The following NHS variants were observed in gnomAD, a reference collection of about 807,000 sequenced individuals.
NHS encodes the protein NHS actin remodeling regulator.
In NHS, 5 loss-of-function variants were observed where a neutral mutation model predicts 72.5. That is an observed-to-expected ratio of 0.07 (90% confidence interval 0.04 to 0.14). NHS has a LOEUF of 0.14. Ranked by LOEUF, NHS falls within the 10% of genes least tolerant of loss-of-function variation. The pLI is 1.00. For missense variants in NHS, 1,072 were observed against 1,355.7 expected, an observed-to-expected ratio of 0.79 and a Z score of 3.29; for synonymous variants, 464 against 547.7, an observed-to-expected ratio of 0.85 and a Z score of 2.13.
In NHS at chrX:17,376,104, C is replaced by T; in HGVS notation, c.347C>T (p.Ala116Val). ...AGEASSAAAA[A>V]AVLLMLDLCA... ...GAGGCGTCCTCGGCGGCGGCGGCGG[C>T]GGCCGTGCTGCTCATGCTGGACCTA... Residue 116 changes from alanine (A) to valine (V), a missense_variant, in exon 1 of 9, where the codon GCG (alanine) becomes GTG (valine). Coordinates refer to ENST00000676302, the MANE Select transcript of NHS (RefSeq NM_001291867.2). 1.8e-6 allele frequency: 2 copies of T among 1,102,853 alleles called. No homozygotes were observed. Among genetic ancestry groups the T allele is most frequent in the Non-Finnish European group, 2.4e-6 (2 of 849,171 alleles). 90.9% of individuals were successfully genotyped at this position (1,102,853 alleles called of 1,213,427 possible). A position where few individuals can be genotyped will look rare whatever the true frequency, so the allele number is the denominator to read the frequency against.
At chrX:17,729,382 C>G (rs925788797) in intron 8 of NHS, among the ~76,000 whole-genome samples, 1 of 112,739 alleles carries the variant, frequency 8.9e-6, no homozygotes, top group Admixed American at 9.3e-5. Context: ...CACACACACA[C>G]ACAAAGTTGA....
intron 1 of NHS, among the ~76,000 whole-genome samples, chrX:17,553,773 G>A (rs2065350428): frequency 9.0e-6 from 1 of 111,453 alleles, no homozygotes; most frequent in African/African-American, 3.3e-5. Flanking sequence ...GGCGGGGTAG[G>A]GGGGCGGTGC....
intron 1 of NHS, chrX:17,587,008 G>A (rs779168776): frequency 8.9e-6 from 1 of 111,918 alleles, no homozygotes; most frequent in Non-Finnish European, 1.9e-5. Context: ...CCAATACCTG[G>A]GACAATGCTG....
At chrX:17,487,992 T>G (rs2064974164) in intron 1 of NHS, among the ~76,000 whole-genome samples, 1 of 111,069 alleles carries the variant, frequency 9.0e-6, no homozygotes, top group African/African-American at 3.3e-5. Context: ...TTTGAACAAG[T>G]CTCGAAACCA....
intron 1 of NHS, among the ~76,000 whole-genome samples, chrX:17,653,424 CT>C (rs767911933): frequency 3.6e-3 from 353 of 97,951 alleles, no homozygotes; most frequent in East Asian, 5.4e-3. Flanking sequence ...TTTTCTTTTT[CT>C]TTTTTTTTTT....
At chrX:17,401,903 G>T (rs1003315727) in intron 1 of NHS, among the ~76,000 whole-genome samples, 1 of 111,826 alleles carries the variant, frequency 8.9e-6, no homozygotes, top group Admixed American at 9.5e-5. Context: ...CTGGGGATTG[G>T]ACTTTAACAT....
intron 1 of NHS, among the ~76,000 whole-genome samples, chrX:17,665,944 G>T (rs2066010420): frequency 8.9e-6 from 1 of 112,119 alleles, no homozygotes; most frequent in Non-Finnish European, 1.9e-5. Flanking sequence ...GTAGGCTAGA[G>T]TAGGCAGAAA....
chrX:17,721,498 C>T lies in NHS; in HGVS notation c.973C>T (p.Pro325Ser), dbSNP rs1601854483. The change falls in exon 5 of 9, where the codon CCA becomes TCA. Residue 325 changes from proline to serine, a missense_variant. Pro to Ser is a moderately conservative substitution (Grantham distance 74, BLOSUM62 -1). Transcript: ENST00000676302. ...DVMLGQRPKN[P>S]IHNIPSTLDK... ...CATGTTAGGGCAGAGGCCGAAAAAC[C>T]CAATACACAATATCCCTTCCACACT... 8.3e-7 allele frequency: 1 copy of T among 1,211,397 alleles called. No homozygotes were observed.
chrX:17,406,503 C>T (rs1165094757), intron 1 of NHS, among the ~76,000 whole-genome samples: 8 of 111,413 alleles, frequency 7.2e-5, no homozygotes, highest in African/African-American at 1.3e-4. Context: ...GTGTCCCCTT[C>T]GATTGTTGGT....
chrX:17,506,836 T>C (rs2065061523), intron 1 of NHS, among the ~76,000 whole-genome samples: 1 of 111,636 alleles, frequency 9.0e-6, no homozygotes, highest in African/African-American at 3.3e-5. Context: ...TAGGTTCCAG[T>C]TGGAAAGTAG....
chrX:17,591,242 C>G (rs1381507471), intron 1 of NHS, among the ~76,000 whole-genome samples: 7 of 111,772 alleles, frequency 6.3e-5, no homozygotes, highest in African/African-American at 2.3e-4. Context: ...TAAGAGATAG[C>G]AATAGAATCT....
chrX:17,693,245 A>C (rs926463586), intron 3 of NHS, among the ~76,000 whole-genome samples: 2 of 111,849 alleles, frequency 1.8e-5, no homozygotes, highest in African/African-American at 6.5e-5. Flanking sequence ...AAATACTATC[A>C]GCAGCCACTA....
intron 1 of NHS, among the ~76,000 whole-genome samples, chrX:17,378,429 T>C (rs1054427959): frequency 1.8e-5 from 2 of 112,365 alleles, no homozygotes; most frequent in Admixed American, 9.4e-5. Context: ...TATGTCCAGA[T>C]CTCTCTCTTC....
chrX:17,540,652 G>A (rs1188607569), intron 1 of NHS, among the ~76,000 whole-genome samples: 18 of 112,156 alleles, frequency 1.6e-4, no homozygotes, highest in South Asian at 3.7e-4. Context: ...TTGATAAACC[G>A]TCAACCCTCT....
chrX:17,575,660 A>C (rs1275607415), intron 1 of NHS, among the ~76,000 whole-genome samples: 2 of 111,669 alleles, frequency 1.8e-5, no homozygotes, highest in Non-Finnish European at 3.8e-5. Context: ...CCCCCACTAA[A>C]CTGTAAGCTC....
In NHS at chrX:17,585,852, G is replaced by A. The variant is rs2065572794; in HGVS notation, c.566-101890G>A. On this transcript the variant is annotated intron_variant, in intron 1 of 8. Transcript: ENST00000676302. ...GGTTTTAGGGTTTTTTTTATGAAGT[G>A]AAAAAAAGAACTGTTTATTTTGCCA... 6 of 108,047 alleles carry A rather than the reference G, an allele frequency of 5.6e-5. No individual in the cohort carries two copies. In the Admixed American group the frequency reaches 6.0e-4, roughly 11 times the overall value. 8.9% of individuals were successfully genotyped at this position (108,047 alleles called of 1,213,427 possible). A position where few individuals can be genotyped will look rare whatever the true frequency, so the allele number is the denominator to read the frequency against.
intron 1 of NHS, among the ~76,000 whole-genome samples, chrX:17,424,747 T>C (rs980836369): frequency 8.9e-6 from 1 of 112,351 alleles, no homozygotes; most frequent in African/African-American, 3.2e-5. Context: ...AAAATCTCCT[T>C]GCTTTAGAGA....
chrX:17,499,240 CTT>C (rs1439604117), intron 1 of NHS, among the ~76,000 whole-genome samples: 1 of 110,876 alleles, frequency 9.0e-6, no homozygotes, highest in African/African-American at 3.3e-5. Context: ...AGTTGGCACT[CTT>C]TCATTGGCCT....
intron 1 of NHS, among the ~76,000 whole-genome samples, chrX:17,389,353 T>C (rs1161153271): frequency 8.9e-6 from 1 of 111,754 alleles, no homozygotes; most frequent in East Asian, 2.8e-4. Flanking sequence ...CAGAAGAAGA[T>C]AATTCCATGG....
Sources: allele counts gnomAD v4.1 joint callset (sites outside exome capture counted in the v4.1 genomes callset), GRCh38; gene constraint gnomAD v4.1.1; transcripts MANE v1.5; gene names NCBI Gene and HGNC (gene_info 2026-07-23, HGNC 2026-07-21).